WWC1: variants seen among roughly 807,000 people sequenced by gnomAD.
WWC1 encodes the protein protein KIBRA.
A neutral mutation model predicts 138.4 loss-of-function variants in WWC1; 55 were observed. The observed-to-expected ratio is 0.40, with a 90% CI of 0.32 to 0.50. WWC1 has a LOEUF of 0.50. WWC1 is among the 20% of genes least tolerant of loss of function. The pLI is 0.72. For synonymous variants in WWC1, 524 were observed against 564.9 expected (o/e 0.93, Z 1.03); for missense variants, 1,226 against 1,420.4 (o/e 0.86, Z 2.20).
Position 168,469,143 on chromosome 5 carries a change from A to C in WWC1, c.*126A>C. 1.8e-6 allele frequency: 2 copies of C among 1,140,036 alleles called. No homozygotes were observed. The highest frequency in any genetic ancestry group is 2.5e-6 in the Non-Finnish European group (2 of 787,056). The allele number at this position is 1,140,036 out of a possible 1,614,324, so 70.6% of individuals were successfully genotyped here. ...GTCCTCTAGTGCTCTTGTTGGTTTG[A>C]AGATGAACCGACTTTTTAGTTTGGG... On this transcript the variant is annotated 3_prime_UTR_variant, in exon 23 of 23. Coordinates refer to ENST00000265293, the MANE Select transcript of WWC1 (RefSeq NM_015238.3).
At chr5:168,458,555 TC>T (rs1756527907) in intron 19 of WWC1, among the ~76,000 whole-genome samples, 1 of 152,158 alleles carries the variant, frequency 6.6e-6, no homozygotes, top group Non-Finnish European at 1.5e-5. Context: ...GAATTACCCT[TC>T]CTACAGCTCT....
intron 1 of WWC1, among the ~76,000 whole-genome samples, chr5:168,329,786 T>G (rs899916334): frequency 1.3e-5 from 2 of 152,106 alleles, no homozygotes; most frequent in African/African-American, 4.8e-5. Context: ...AAGGGGAAAG[T>G]GAAATGATAG....
intron 1 of WWC1, among the ~76,000 whole-genome samples, chr5:168,305,339 A>G (rs982891644): frequency 6.6e-6 from 1 of 152,082 alleles, no homozygotes; most frequent in Non-Finnish European, 1.5e-5. Flanking sequence ...TCCCTTCTCC[A>G]GGCCCTCACC....
intron 1 of WWC1, among the ~76,000 whole-genome samples, chr5:168,346,824 A>G (rs1384082810): frequency 6.6e-6 from 1 of 152,020 alleles, no homozygotes; most frequent in East Asian, 1.9e-4. Context: ...TTCCATGTAA[A>G]ACAATTAGAG....
intron 11 of WWC1, among the ~76,000 whole-genome samples, chr5:168,424,662 G>A (rs867605417): frequency 6.6e-6 from 1 of 152,206 alleles, no homozygotes; most frequent in African/African-American, 2.4e-5. Context: ...GTCAGAGCAA[G>A]GGACTAGAAG....
chr5:168,316,465 C>T (rs554372564), intron 1 of WWC1, among the ~76,000 whole-genome samples: 2 of 152,256 alleles, frequency 1.3e-5, no homozygotes, highest in African/African-American at 2.4e-5. Flanking sequence ...GGGGCTGGCT[C>T]CGGGCAGGGT....
chr5:168,438,533 C>T (rs1194470822), intron 15 of WWC1, among the ~76,000 whole-genome samples: 1 of 152,220 alleles, frequency 6.6e-6, no homozygotes, highest in East Asian at 1.9e-4. Flanking sequence ...ATAAATGACT[C>T]AGTCTCGGGT....
At chr5:168,328,603 G>A (rs898578372) in intron 1 of WWC1, among the ~76,000 whole-genome samples, 3 of 152,124 alleles carry the variant, frequency 2.0e-5, no homozygotes, top group Admixed American at 6.5e-5. Flanking sequence ...CTGGAGTCCA[G>A]TGGCATGATC....
chr5:168,452,067 G>A (rs1755882174), intron 17 of WWC1, among the ~76,000 whole-genome samples: 1 of 151,996 alleles, frequency 6.6e-6, no homozygotes, highest in Non-Finnish European at 1.5e-5. Context: ...CACCACGCCT[G>A]GCTAATTTTT....
intron 15 of WWC1, among the ~76,000 whole-genome samples, chr5:168,434,532 C>A (rs77489540): frequency 0.017 from 2,559 of 152,218 alleles, 37 homozygotes; most frequent in Non-Finnish European, 0.021. Flanking sequence ...TTCGTGATGG[C>A]CCCAGGAAGA....
chr5:168,360,843 A>T (rs1349766859), intron 1 of WWC1, among the ~76,000 whole-genome samples: 1 of 152,264 alleles, frequency 6.6e-6, no homozygotes, highest in Non-Finnish European at 1.5e-5. Flanking sequence ...GTCAGAGCTC[A>T]AGGAGCAGAA....
At chr5:168,347,922 A>G (rs988913817) in intron 1 of WWC1, among the ~76,000 whole-genome samples, 4 of 152,200 alleles carry the variant, frequency 2.6e-5, no homozygotes, top group Non-Finnish European at 4.4e-5. Flanking sequence ...TGGGAAGGAG[A>G]AGCAGATGGG....
rs1210251620 is a variant in WWC1, at chr5:168,467,858, C to T, written c.3169C>T (p.His1057Tyr). 6.2e-7 allele frequency: 1 copy of T among 1,614,190 alleles called. No individual in the cohort carries two copies. The highest frequency in any genetic ancestry group is 1.1e-5 in the South Asian group (1 of 91,080). The change falls in exon 22 of 23, where the codon CAC becomes TAC. Residue 1057 changes from histidine (H) to tyrosine (Y), a missense_variant. Transcript: ENST00000265293. ...LEKRQMDRAEHKGELQTDKMM... is the reference protein window; with the variant it reads ...LEKRQMDRAEYKGELQTDKMM... ...TGCCCAGCAGATGGACCGAGCGGAGCACAAGGGTGAGCTTCAGACAGACAA... is the reference window on the plus strand; with the variant it reads ...TGCCCAGCAGATGGACCGAGCGGAGTACAAGGGTGAGCTTCAGACAGACAA...
At chr5:168,346,093 G>T (rs1774447382) in intron 1 of WWC1, among the ~76,000 whole-genome samples, 1 of 152,088 alleles carries the variant, frequency 6.6e-6, no homozygotes, top group Admixed American at 6.6e-5. Context: ...ACCCCCAAGA[G>T]TGTTTGATTG....
intron 1 of WWC1, among the ~76,000 whole-genome samples, chr5:168,338,268 G>A (rs1367053138): frequency 2.2e-4 from 33 of 150,380 alleles, no homozygotes; most frequent in East Asian, 1.0e-3. Flanking sequence ...CCGAGATCGC[G>A]CCACTGCACT....
chr5:168,392,822 T>G (rs1778604388), intron 3 of WWC1, among the ~76,000 whole-genome samples: 1 of 152,020 alleles, frequency 6.6e-6, no homozygotes, highest in South Asian at 2.1e-4. Context: ...ATTCCAGATA[T>G]CCGAGGAAAG....
chr5:168,402,699 A>G (rs1050533882), intron 5 of WWC1, among the ~76,000 whole-genome samples: 12 of 152,184 alleles, frequency 7.9e-5, no homozygotes, highest in Admixed American at 1.3e-4. Context: ...AACATGCCCA[A>G]AGCCACCCAG....
At chr5:168,422,596 T>G (rs1325734032) in intron 10 of WWC1, among the ~76,000 whole-genome samples, 1 of 151,548 alleles carries the variant, frequency 6.6e-6, no homozygotes, top group African/African-American at 2.4e-5. Flanking sequence ...GCCTGGGTGA[T>G]AGAGCCAGAC....
chr5:168,431,952 A>G (rs1781982514), intron 15 of WWC1, among the ~76,000 whole-genome samples: 1 of 151,474 alleles, frequency 6.6e-6, no homozygotes, highest in African/African-American at 2.4e-5. Context: ...TTGTAGTCCT[A>G]GCTACTCTGG....
Sources: allele counts gnomAD v4.1 joint callset (sites outside exome capture counted in the v4.1 genomes callset), GRCh38; gene constraint gnomAD v4.1.1; transcripts MANE v1.5; gene names NCBI Gene and HGNC (gene_info 2026-07-23, HGNC 2026-07-21).